The following DCC variants were observed in gnomAD, a reference collection of about 807,000 sequenced individuals.
The protein encoded by DCC is DCC netrin 1 receptor.
In DCC, 58 loss-of-function variants were observed where a neutral mutation model predicts 172.5. The ratio of observed to expected loss-of-function variants is 0.34; its 90% confidence interval spans 0.27 to 0.42. The LOEUF (loss-of-function observed/expected upper bound fraction) is 0.42. Among genes scored for constraint, DCC ranks in the 10% least tolerant of loss-of-function variants. The pLI, the probability that DCC is intolerant of heterozygous loss-of-function variation, is 1.00. For missense variants in DCC, 1,740 were observed against 1,791.0 expected (o/e 0.97, Z 0.51); for synonymous variants, 709 against 644.5 (o/e 1.10, Z -1.52).
At chr18:52,566,409 C>T (rs938127994) in intron 1 of DCC, among the ~76,000 whole-genome samples, 2 of 151,972 alleles carry the variant, frequency 1.3e-5, no homozygotes, top group Admixed American at 6.6e-5. Flanking sequence ...AGGAGAAATA[C>T]CTAATGTAGA....
intron 2 of DCC, among the ~76,000 whole-genome samples, chr18:52,886,763 C>G (rs1021992129): frequency 6.6e-6 from 1 of 151,974 alleles, no homozygotes; most frequent in Admixed American, 6.6e-5. Context: ...GAGTGCCCAC[C>G]TGATTTTTGG....
chr18:52,723,461 G>A (rs2036503096), intron 1 of DCC, among the ~76,000 whole-genome samples: 1 of 152,162 alleles, frequency 6.6e-6, no homozygotes, highest in African/African-American at 2.4e-5. Flanking sequence ...GCCAACAGTA[G>A]GCTAGAATGT....
At chr18:53,355,685 T>A (rs998974381) in intron 15 of DCC, among the ~76,000 whole-genome samples, 1 of 152,196 alleles carries the variant, frequency 6.6e-6, no homozygotes, top group South Asian at 2.1e-4. Context: ...GACAATGGGG[T>A]TTTCTAACTA....
At chr18:53,359,328 C>T (rs2057919175) in intron 15 of DCC, among the ~76,000 whole-genome samples, 1 of 152,126 alleles carries the variant, frequency 6.6e-6, no homozygotes, top group African/African-American at 2.4e-5. Context: ...GACTTGCGTG[C>T]AAGTCATTAA....
intron 28 of DCC, chr18:53,530,354 T>C (rs1173243045): frequency 1.4e-6 from 1 of 703,326 alleles, no homozygotes; most frequent in Non-Finnish European, 2.6e-6. Flanking sequence ...CAGGTGGAGA[T>C]GGAGTGGGTG....
At chr18:52,532,663 C>T (rs1598892932) in intron 1 of DCC, among the ~76,000 whole-genome samples, 2 of 151,968 alleles carry the variant, frequency 1.3e-5, no homozygotes, top group Admixed American at 6.6e-5. Flanking sequence ...TTTAAGGGAA[C>T]AAATTTATTG....
At chr18:53,422,746 G>A (rs761467478) in intron 21 of DCC, among the ~76,000 whole-genome samples, 1 of 152,124 alleles carries the variant, frequency 6.6e-6, no homozygotes, top group Non-Finnish European at 1.5e-5. Context: ...GACTTTGCAG[G>A]GTTTGGATTA....
chr18:52,471,590 T>G (rs1021101609), intron 1 of DCC, among the ~76,000 whole-genome samples: 3 of 152,186 alleles, frequency 2.0e-5, no homozygotes, highest in Non-Finnish European at 4.4e-5. Context: ...TGGGTTATGG[T>G]GATAACTTGA....
At chr18:52,813,244 A>AAAGACAGAGTGGTCTAGCCTTAACATTT (rs138749433) in intron 2 of DCC, among the ~76,000 whole-genome samples, 1 of 151,984 alleles carries the variant, frequency 6.6e-6, no homozygotes, top group African/African-American at 2.4e-5. Context: ...GTAGTTCACT[A>AAAGACAGAGTGGTCTAGCCTTAACATTT]AATGCCACAT....
intron 19 of DCC, among the ~76,000 whole-genome samples, chr18:53,405,581 C>A (rs185032380): frequency 6.6e-6 from 1 of 152,120 alleles, no homozygotes; most frequent in East Asian, 1.9e-4. Context: ...GAATCCAGAT[C>A]ATCAGTTTTT....
At chr18:53,397,287 T>G (rs776847141) in intron 17 of DCC, 21 bp from the exon 18 acceptor site, 30 of 1,610,154 alleles carry the variant, frequency 1.9e-5, no homozygotes, top group Non-Finnish European at 2.5e-5. Context: ...TTTATCTCTT[T>G]GCTATTTCCT....
At chr18:52,759,895 T>C (rs1476111971) in intron 2 of DCC, among the ~76,000 whole-genome samples, 1 of 152,234 alleles carries the variant, frequency 6.6e-6, no homozygotes, top group Non-Finnish European at 1.5e-5. Context: ...GAAAGCTTTA[T>C]ATTTTTATGC....
intron 1 of DCC, among the ~76,000 whole-genome samples, chr18:52,637,109 G>A (rs1363738158): frequency 1.3e-5 from 2 of 152,176 alleles, no homozygotes; most frequent in African/African-American, 4.8e-5. Flanking sequence ...CACATCCATA[G>A]GAAAAGGGGG....
intron 1 of DCC, among the ~76,000 whole-genome samples, chr18:52,730,449 C>T (rs2036620755): frequency 6.6e-6 from 1 of 152,140 alleles, no homozygotes; most frequent in Non-Finnish European, 1.5e-5. Context: ...ATTGATCTAC[C>T]ATGGTTCTAA....
chr18:52,825,400 C>A (rs1177876008), intron 2 of DCC, among the ~76,000 whole-genome samples: 3 of 152,116 alleles, frequency 2.0e-5, no homozygotes, highest in African/African-American at 4.8e-5. Context: ...TTAAGCAACT[C>A]CTATTCCTCT....
chr18:53,010,693 ATATATT>A (rs2143876834), intron 5 of DCC, among the ~76,000 whole-genome samples: 2 of 150,880 alleles, frequency 1.3e-5, no homozygotes, highest in South Asian at 4.2e-4. Flanking sequence ...TACATACATA[ATATATT>A]TATATACCCA....
At chr18:52,480,471 A>G (rs905754705) in intron 1 of DCC, among the ~76,000 whole-genome samples, 2 of 152,176 alleles carry the variant, frequency 1.3e-5, no homozygotes, top group African/African-American at 2.4e-5. Flanking sequence ...TTAGAAGTGC[A>G]TTGGTAGAGA....
intron 12 of DCC, among the ~76,000 whole-genome samples, chr18:53,262,634 G>A (rs562496453): frequency 6.6e-6 from 1 of 152,254 alleles, no homozygotes; most frequent in Non-Finnish European, 1.5e-5. Context: ...TTTATATAAT[G>A]AAAAACACTG....
intron 1 of DCC, among the ~76,000 whole-genome samples, chr18:52,673,679 C>T (rs1028546750): frequency 6.6e-5 from 10 of 152,066 alleles, no homozygotes; most frequent in Non-Finnish European, 1.5e-4. Context: ...GAAACATGGA[C>T]CTTGATGGTG....
Sources: allele counts gnomAD v4.1 joint callset (sites outside exome capture counted in the v4.1 genomes callset), GRCh38; gene constraint gnomAD v4.1.1; transcripts MANE v1.5; gene names NCBI Gene and HGNC (gene_info 2026-07-23, HGNC 2026-07-21).